The following SCMH1 variants were observed in gnomAD, a reference collection of about 807,000 sequenced individuals.
The protein encoded by SCMH1 is Scm polycomb group protein homolog 1.
Under a neutral mutation model 70.8 loss-of-function variants are expected in SCMH1, and 37 were observed. That is an observed-to-expected ratio of 0.52 (90% CI 0.40 to 0.69). The LOEUF (loss-of-function observed/expected upper bound fraction) is 0.69, where lower values mean the gene tolerates loss of function less well. Ranked by LOEUF, SCMH1 falls within the 30% of genes least tolerant of loss-of-function variation. The pLI, the probability that SCMH1 is intolerant of heterozygous loss-of-function variation, is 0.00. For synonymous variants in SCMH1, 292 were observed against 307.4 expected (o/e 0.95, Z 0.52); for missense variants, 607 against 827.3 (o/e 0.73, Z 3.27).
intron 1 of SCMH1, among the ~76,000 whole-genome samples, chr1:41,231,460 C>T (rs1039704953): frequency 1.3e-5 from 2 of 152,138 alleles, no homozygotes; most frequent in African/African-American, 4.8e-5. Flanking sequence ...CTCCCATATA[C>T]CCTGTACTAT....
exon 6 of SCMH1, chr1:41,143,073 T>G: frequency 1.9e-6 from 3 of 1,614,076 alleles, no homozygotes; most frequent in Non-Finnish European, 2.5e-6. Flanking sequence ...GCTTCCAATT[T>G]CATACTGATC....
At chr1:41,212,474 A>G (rs1332476300) in intron 1 of SCMH1, among the ~76,000 whole-genome samples, 3 of 152,238 alleles carry the variant, frequency 2.0e-5, no homozygotes, top group African/African-American at 7.2e-5. Flanking sequence ...TTTTACAAAT[A>G]TGAGTACATA....
At chr1:41,120,190 C>T (rs973436390) in intron 6 of SCMH1, among the ~76,000 whole-genome samples, 4 of 152,080 alleles carry the variant, frequency 2.6e-5, no homozygotes, top group Non-Finnish European at 5.9e-5. Flanking sequence ...ATTCCCAATT[C>T]CATTTTTGAG....
In SCMH1 at chr1:41,089,787, C is replaced by CTTTTTTT. The variant is rs373229472; in HGVS notation, c.746-14343_746-14337dup. 6.1e-4 allele frequency among the ~76,000 whole-genome samples: 36 copies of CTTTTTTT among 58,740 alleles called. 7 individuals are homozygous for CTTTTTTT. The highest frequency in any genetic ancestry group is 3.4e-3 in the South Asian group (3 of 878). The allele number at this position is 58,740 out of a possible 152,430, so 38.5% of individuals were successfully genotyped here. A position where few individuals can be genotyped will look rare whatever the true frequency, so the allele number is the denominator to read the frequency against. ...TTATTCCACTCTAACCATGTTGTCT[C>CTTTTTTT]TTTTTTTTTTTTTTTTTTTTTTGAG... On this transcript the variant is annotated intron_variant, in intron 8 of 14. Transcript: ENST00000337495.
chr1:41,205,511 T>C (rs890073026), intron 1 of SCMH1, among the ~76,000 whole-genome samples: 2 of 152,214 alleles, frequency 1.3e-5, no homozygotes, highest in Non-Finnish European at 2.9e-5. Context: ...AGACCCCTGA[T>C]TTCCCACTGC....
intron 1 of SCMH1, among the ~76,000 whole-genome samples, chr1:41,241,395 G>A (rs1014680655): frequency 1.9e-4 from 29 of 152,300 alleles, no homozygotes; most frequent in African/African-American, 5.8e-4. Flanking sequence ...CTCCCTGCCC[G>A]TTTCCGGCGG....
At chr1:41,088,605 G>A (rs1202152447) in intron 8 of SCMH1, among the ~76,000 whole-genome samples, 2 of 152,064 alleles carry the variant, frequency 1.3e-5, no homozygotes, top group Non-Finnish European at 2.9e-5. Context: ...GTAGCTAGCT[G>A]GGACTACAGA....
rs1645945294 is a variant in SCMH1, at chr1:41,160,727, T to C, written c.106+148A>G. The C allele has an allele frequency of 1.1e-5, 8 of 755,728 alleles. No individual in the cohort carries two copies. The East Asian group carries it at 1.9e-4, about 18-fold the overall frequency. 46.8% of individuals were successfully genotyped at this position (755,728 alleles called of 1,614,324 possible). ...GACAGCTGAGATGAAGTACATGGGA[T>C]AATTAGGCAGACAAGAGCACAGGAT... On this transcript the variant is annotated intron_variant, in intron 4 of 14. Coordinates refer to ENST00000337495, the Ensembl canonical transcript of SCMH1.
At chr1:41,162,119 C>T (rs912766490) in intron 2 of SCMH1, among the ~76,000 whole-genome samples, 3 of 152,088 alleles carry the variant, frequency 2.0e-5, no homozygotes, top group African/African-American at 7.2e-5. Context: ...GGAGCCCTGC[C>T]GTGACGGGCA....
chr1:41,046,836 G>C (rs916438714), intron 11 of SCMH1, among the ~76,000 whole-genome samples: 3 of 152,154 alleles, frequency 2.0e-5, no homozygotes, highest in Admixed American at 1.3e-4. Flanking sequence ...TTGCACCCTG[G>C]GCTCTGGAAT....
chr1:41,174,341 A>G (rs1257250675), intron 2 of SCMH1, among the ~76,000 whole-genome samples: 1 of 147,768 alleles, frequency 6.8e-6, no homozygotes, highest in Non-Finnish European at 1.5e-5. Context: ...GTAAAGAGGG[A>G]GTTGTGGTGT....
intron 1 of SCMH1, among the ~76,000 whole-genome samples, chr1:41,219,460 T>G (rs1658774002): frequency 6.6e-6 from 1 of 152,154 alleles, no homozygotes; most frequent in South Asian, 2.1e-4. Context: ...CAAGTCTTGT[T>G]GGGGGCCATG....
chr1:41,220,790 G>A (rs1357963995), intron 1 of SCMH1, among the ~76,000 whole-genome samples: 2 of 152,268 alleles, frequency 1.3e-5, no homozygotes, highest in East Asian at 3.9e-4. Context: ...ATCTGAACAA[G>A]GTAAACTGGT....
intron 1 of SCMH1, among the ~76,000 whole-genome samples, chr1:41,206,722 C>T (rs545211289): frequency 7.4e-4 from 113 of 152,194 alleles, no homozygotes; most frequent in African/African-American, 2.6e-3. Flanking sequence ...AGAAGAGCAA[C>T]CCCAAGACAC....
At chr1:41,172,554 T>G (rs967918238) in intron 2 of SCMH1, among the ~76,000 whole-genome samples, 4 of 151,844 alleles carry the variant, frequency 2.6e-5, no homozygotes, top group African/African-American at 4.8e-5. Context: ...AAAATACCAA[T>G]GACATTCTTC....
At chr1:41,028,592 G>T (rs139648979) in exon 14 of SCMH1, 1 of 1,614,146 alleles carries the variant, frequency 6.2e-7, no homozygotes, top group Non-Finnish European at 8.5e-7. Context: ...ACGTGTTTGC[G>T]AAACAGGTCA....
chr1:41,227,232 T>C (rs939123713), intron 1 of SCMH1, among the ~76,000 whole-genome samples: 1 of 152,234 alleles, frequency 6.6e-6, no homozygotes, highest in Non-Finnish European at 1.5e-5. Context: ...CTTGAATATA[T>C]GACAGTCTTT....
chr1:41,043,127 T>G (rs920625082), intron 12 of SCMH1: 1 of 152,218 alleles, frequency 6.6e-6, no homozygotes, highest in Non-Finnish European at 1.5e-5. Flanking sequence ...GGAGTCTCAC[T>G]CTGTTGCTCA....
chr1:41,078,416 T>C (rs1571867984), intron 8 of SCMH1, among the ~76,000 whole-genome samples: 2 of 152,070 alleles, frequency 1.3e-5, no homozygotes, highest in Admixed American at 6.6e-5. Context: ...CAGCAATCCA[T>C]AGCAGGAAAA....
Sources: gnomAD v4.1 joint callset for allele counts (sites outside exome capture counted in the v4.1 genomes callset) on GRCh38, gnomAD v4.1.1 for gene constraint, MANE v1.5 for transcripts, NCBI Gene and HGNC (gene_info 2026-07-23, HGNC 2026-07-21) for gene names.